MVB12B: variants seen among roughly 807,000 people sequenced by gnomAD.
MVB12B encodes ESCRT-I complex subunit MVB12B.
In MVB12B, 16 loss-of-function variants were observed where a neutral mutation model predicts 41.6. That is an observed-to-expected ratio of 0.38 (90% confidence interval 0.26 to 0.58). The LOEUF (loss-of-function observed/expected upper bound fraction) is 0.58. MVB12B is among the 20% of genes least tolerant of loss of function. The pLI is 0.62. For synonymous variants in MVB12B, 133 were observed against 139.7 expected, an observed-to-expected ratio of 0.95 and a Z score of 0.34; for missense variants, 274 against 380.2, an observed-to-expected ratio of 0.72 and a Z score of 2.32.
At chr9:126,336,143 C>T (rs1829268618) in intron 1 of MVB12B, among the ~76,000 whole-genome samples, 1 of 152,204 alleles carries the variant, frequency 6.6e-6, no homozygotes, top group Non-Finnish European at 1.5e-5. Flanking sequence ...CGGCCCACAC[C>T]CCGCTGCTGG....
chr9:126,400,595 C>T (rs1554774326), intron 6 of MVB12B, among the ~76,000 whole-genome samples: 1 of 152,236 alleles, frequency 6.6e-6, no homozygotes, highest in Non-Finnish European at 1.5e-5. Context: ...CAGAGAACTT[C>T]AGGGCCCTGC....
intron 7 of MVB12B, among the ~76,000 whole-genome samples, chr9:126,476,154 C>G (rs553240384): frequency 6.6e-6 from 1 of 152,356 alleles, no homozygotes; most frequent in Admixed American, 6.5e-5. Flanking sequence ...CGTCTTCCTT[C>G]CCTCCCAGTG....
In MVB12B at chr9:126,404,065, C is replaced by T. The variant is rs190940358; in HGVS notation, c.662+8368C>T. Among the ~76,000 whole-genome samples the T allele has an allele frequency of 4.1e-3, 617 of 150,738 alleles. 7 individuals are homozygous for T. The highest frequency in any genetic ancestry group is 0.016 in the South Asian group (76 of 4,774). On this transcript the variant is annotated intron_variant, in intron 6 of 9. Transcript: ENST00000361171. ...GCCTCCTGGGTTCAAGCAGTTCTCCCACCTCAGCCTCCCAAGTAGCTGGGA... is the reference window on the plus strand; with the variant it reads ...GCCTCCTGGGTTCAAGCAGTTCTCCTACCTCAGCCTCCCAAGTAGCTGGGA...
intron 2 of MVB12B, among the ~76,000 whole-genome samples, chr9:126,380,246 A>G (rs1052219755): frequency 2.0e-5 from 3 of 152,064 alleles, no homozygotes; most frequent in Non-Finnish European, 2.9e-5. Context: ...GCCCTCTCCT[A>G]GCCTTCTTCT....
In MVB12B at chr9:126,480,370, G is replaced by A. The variant is rs1262145439; in HGVS notation, c.758-999G>A. Among the ~76,000 whole-genome samples, 1 of 152,192 alleles carries A rather than the reference G, an allele frequency of 6.6e-6. No individual in the cohort carries two copies. Among genetic ancestry groups the A allele is most frequent in the South Asian group, 2.1e-4 (1 of 4,832 alleles). On this transcript the variant is annotated intron_variant, in intron 7 of 9. Transcript: ENST00000361171. This position sits in a 1 kb window ranked among gnomAD's most constrained non-coding sequence, Gnocchi z 4.9. ...TCTGTGAATGCCGGCATCACGTCTC[G>A]TCCAGTGTGACCTGTTCCTCAATGT...
chr9:126,445,376 G>A (rs774602678), intron 7 of MVB12B, among the ~76,000 whole-genome samples: 2 of 152,026 alleles, frequency 1.3e-5, no homozygotes, highest in Admixed American at 6.5e-5. Context: ...GTGCGATCTC[G>A]GCTCACTGCA....
chr9:126,405,632 C>A (rs1023681492), intron 6 of MVB12B, among the ~76,000 whole-genome samples: 3 of 151,764 alleles, frequency 2.0e-5, no homozygotes, highest in Admixed American at 6.6e-5. Flanking sequence ...TACCCCCCGC[C>A]CCAACTATGC....
At chr9:126,388,935 C>T (rs1454308545) in intron 4 of MVB12B, among the ~76,000 whole-genome samples, 1 of 152,238 alleles carries the variant, frequency 6.6e-6, no homozygotes, top group Non-Finnish European at 1.5e-5. Context: ...CGTTTTTTGA[C>T]AGTCAGTTGA....
chr9:126,471,792 A>G (rs983925297), intron 7 of MVB12B, among the ~76,000 whole-genome samples: 2 of 152,156 alleles, frequency 1.3e-5, no homozygotes, highest in African/African-American at 4.8e-5. Context: ...AGGTACACAG[A>G]ATTAAAGGCC....
At chr9:126,444,122 G>C (rs2119145261) in intron 7 of MVB12B, among the ~76,000 whole-genome samples, 1 of 152,304 alleles carries the variant, frequency 6.6e-6, no homozygotes, top group African/African-American at 2.4e-5. Context: ...ATTAATGGTT[G>C]TATCATCCTC....
intron 2 of MVB12B, among the ~76,000 whole-genome samples, chr9:126,343,832 G>T (rs913767239): frequency 6.6e-6 from 1 of 152,150 alleles, no homozygotes; most frequent in Non-Finnish European, 1.5e-5. Context: ...CAGGACAATC[G>T]ATTGAACCCA....
intron 6 of MVB12B, among the ~76,000 whole-genome samples, chr9:126,409,000 C>T (rs1054152503): frequency 6.6e-5 from 10 of 152,234 alleles, no homozygotes; most frequent in African/African-American, 2.4e-4. Context: ...GTTTGGATGG[C>T]CACCTTGTCA....
rs955339409 is a variant in MVB12B at position 126,416,451 on chromosome 9, T to C, written c.663-5403T>C. On this transcript the variant is annotated intron_variant, in intron 6 of 9. Coordinates refer to ENST00000361171, the MANE Select transcript of MVB12B (RefSeq NM_033446.3). ...CCTGGGTGTGCGATCGGGCCATTGG[T>C]CATCCAGCTCTGTATAGTTCACTGT... 2.0e-5 allele frequency among the ~76,000 whole-genome samples: 3 copies of C among 152,168 alleles called. No individual in the cohort carries two copies. In the East Asian group the frequency reaches 5.8e-4, roughly 29 times the overall value.
In MVB12B at chr9:126,436,614, G is replaced by T. The variant is rs1020847336; in HGVS notation, c.757+14666G>T. Among the ~76,000 whole-genome samples the T allele has an allele frequency of 1.3e-5, 2 of 152,256 alleles. No homozygotes were observed. Among genetic ancestry groups the T allele is most frequent in the Non-Finnish European group, 2.9e-5 (2 of 68,032 alleles). ...GTATGCAACTTGCAGCTGTGGAGCT[G>T]TAACTACATCTGTGAGCAAGATTCC... On this transcript the variant is annotated intron_variant, in intron 7 of 9. Transcript: ENST00000361171. This position sits in a 1 kb window ranked among gnomAD's most constrained non-coding sequence, Gnocchi z 4.1.
At chr9:126,501,099 CCCT>C (rs1010715170) in intron 9 of MVB12B, among the ~76,000 whole-genome samples, 3 of 152,246 alleles carry the variant, frequency 2.0e-5, no homozygotes, top group Non-Finnish European at 2.9e-5. Flanking sequence ...GCGCAGCTCC[CCCT>C]CCTCAGCCTC....
rs972177612 is a variant in MVB12B, at chr9:126,468,132, G to A, written c.758-13237G>A. ...TCTGATCTTCCCATTGTTTTTGCCA[G>A]CTTGGAACGTTAACATTCCTCAGCT... is the stretch of plus-strand genomic sequence containing the variant. On this transcript the variant is annotated intron_variant, in intron 7 of 9. Transcript: ENST00000361171. This position sits in a 1 kb window ranked among gnomAD's most constrained non-coding sequence, Gnocchi z 4.3. 5.3e-5 allele frequency among the ~76,000 whole-genome samples: 8 copies of A among 151,944 alleles called. No homozygotes were observed. Among genetic ancestry groups the A allele is most frequent in the African/African-American group, 1.9e-4 (8 of 41,398 alleles).
intron 7 of MVB12B, among the ~76,000 whole-genome samples, chr9:126,479,598 G>A (rs955952348): frequency 1.3e-5 from 2 of 152,214 alleles, no homozygotes; most frequent in African/African-American, 4.8e-5. Flanking sequence ...AGTGTTGCCT[G>A]TTCGGGACTT....
At chr9:126,457,512 A>G (rs929121890) in intron 7 of MVB12B, among the ~76,000 whole-genome samples, 4 of 152,014 alleles carry the variant, frequency 2.6e-5, no homozygotes, top group Non-Finnish European at 5.9e-5. Context: ...CATGAATGTT[A>G]TTTTTTTAAA....
intron 8 of MVB12B, among the ~76,000 whole-genome samples, 184 bp downstream of exon 8, chr9:126,481,608 A>G (rs1833523475): frequency 6.6e-6 from 1 of 151,988 alleles, no homozygotes; most frequent in Non-Finnish European, 1.5e-5. Context: ...AGTGACAGGA[A>G]CTCCTGAGGT....
Sources: allele counts gnomAD v4.1 joint callset (sites outside exome capture counted in the v4.1 genomes callset), GRCh38; gene constraint gnomAD v4.1.1; non-coding constraint Gnocchi (gnomAD v3.1); transcripts MANE v1.5; gene names NCBI Gene and HGNC (gene_info 2026-07-23, HGNC 2026-07-21).